CDH4: variants seen among roughly 807,000 people sequenced by gnomAD.
The protein encoded by CDH4 is cadherin-4.
A neutral mutation model predicts 86.0 loss-of-function variants in CDH4; 33 were observed. The ratio of observed to expected loss-of-function variants is 0.38; its 90% CI spans 0.29 to 0.51. CDH4 has a LOEUF of 0.51. Ranked by LOEUF, CDH4 falls within the 20% of genes least tolerant of loss-of-function variation. The probability of loss-of-function intolerance (pLI) is 0.86; values close to 1 mark genes in which losing one functional copy is unlikely to be tolerated. For synonymous variants in CDH4, 555 were observed against 549.4 expected (o/e 1.01, Z -0.14); for missense variants, 1,114 against 1,307.4 (o/e 0.85, Z 2.28).
chr20:61,500,272 A>G (rs189845489), intron 2 of CDH4, among the ~76,000 whole-genome samples: 2 of 152,368 alleles, frequency 1.3e-5, no homozygotes, highest in East Asian at 1.9e-4. Context: ...CACGGTGCTG[A>G]TAAAGGATGG....
chr20:61,417,098 C>T lies in CDH4; in HGVS notation c.169+162161C>T, dbSNP rs1235445345. ...ACTGCTCAATAGAATAATATGTGGC[C>T]CGCAGAGCTGACTGTGGGTGCTTGG... On this transcript the variant is annotated intron_variant, in intron 2 of 15. Transcript: ENST00000614565. The surrounding 1 kb of genome is among the most constrained non-coding windows in gnomAD (Gnocchi z 4.0). Among the ~76,000 whole-genome samples, 2 of 152,074 alleles carry T rather than the reference C, an allele frequency of 1.3e-5. No homozygotes were observed. Among genetic ancestry groups the T allele is most frequent in the African/African-American group, 2.4e-5 (1 of 41,390 alleles).
chr20:61,860,360 C>A (rs953126365), intron 6 of CDH4, among the ~76,000 whole-genome samples: 15 of 152,240 alleles, frequency 9.9e-5, no homozygotes, highest in Non-Finnish European at 1.6e-4. Context: ...TCCCTGAGGG[C>A]TGAGCTACAC....
chr20:61,252,558 C>T lies in CDH4; in HGVS notation c.45C>T (p.Ser15=), dbSNP rs1346818598. ...AGVLLLLLSL[S]GALRAHNEDL... ...TGCTCCTTCTGCTGCTCTCGCTCTC[C>T]GGCGCGCTCCGGGTAAGTTGCCGCC... Residue 15 remains serine (S), a synonymous_variant, in exon 1 of 16, where the codon TCC becomes TCT. Transcript: ENST00000614565. This position sits in a 1 kb window ranked among gnomAD's most constrained non-coding sequence, Gnocchi z 4.4. 1.7e-6 allele frequency: 2 copies of T among 1,205,036 alleles called. No homozygotes were observed. Among genetic ancestry groups the T allele is most frequent in the South Asian group, 4.1e-5 (1 of 24,148 alleles). 74.6% of individuals were successfully genotyped at this position (1,205,036 alleles called of 1,614,324 possible). A position where few individuals can be genotyped will look rare whatever the true frequency, so the allele number is the denominator to read the frequency against.
intron 5 of CDH4, 71 bp from the exon 6 acceptor site, chr20:61,852,683 G>A: frequency 2.6e-6 from 4 of 1,525,912 alleles, no homozygotes; most frequent in African/African-American, 1.4e-5. Flanking sequence ...CAGCACCGCG[G>A]GTCCCAGGCC....
chr20:61,565,313 G>A (rs897034956), intron 2 of CDH4, among the ~76,000 whole-genome samples: 548 of 39,714 alleles, frequency 0.014, 98 homozygotes, highest in Non-Finnish European at 0.016. Context: ...GCTCTTGGTG[G>A]TGGCGGTGCT....
intron 2 of CDH4, among the ~76,000 whole-genome samples, chr20:61,425,692 C>A (rs763477796): frequency 1.3e-5 from 2 of 152,006 alleles, no homozygotes; most frequent in African/African-American, 4.8e-5. Flanking sequence ...CTGCCCAGGG[C>A]AGGATGGCCA....
chr20:61,746,960 C>T (rs1264373439), intron 3 of CDH4, among the ~76,000 whole-genome samples: 1 of 152,188 alleles, frequency 6.6e-6, no homozygotes, highest in East Asian at 1.9e-4. Flanking sequence ...CAAGGTGACA[C>T]CGGATTGCTG....
At chr20:61,481,782 G>T (rs190628475) in intron 2 of CDH4, among the ~76,000 whole-genome samples, 9,141 of 152,188 alleles carry the variant, frequency 0.06, 962 homozygotes, top group African/African-American at 0.21. Flanking sequence ...TGTTTGTGCC[G>T]TTATGTATAT....
chr20:61,720,275 G>A (rs148356489), intron 2 of CDH4, among the ~76,000 whole-genome samples: 133 of 152,252 alleles, frequency 8.7e-4, no homozygotes, highest in African/African-American at 3.1e-3. Context: ...TCTATGGGCC[G>A]CACCTCCTGG....
intron 1 of CDH4, among the ~76,000 whole-genome samples, chr20:61,253,859 G>A (rs2123109187): frequency 6.6e-6 from 1 of 152,276 alleles, no homozygotes; most frequent in South Asian, 2.1e-4. Context: ...GCGGGCGGGA[G>A]GCGCCACTGC....
At chr20:61,338,189 C>A (rs905603223) in intron 2 of CDH4, among the ~76,000 whole-genome samples, 1 of 152,118 alleles carries the variant, frequency 6.6e-6, no homozygotes, top group African/African-American at 2.4e-5. Context: ...TGCATAGCTT[C>A]ATTGTTCAAC....
At chr20:61,671,531 A>G (rs553617909) in intron 2 of CDH4, among the ~76,000 whole-genome samples, 4 of 152,084 alleles carry the variant, frequency 2.6e-5, no homozygotes, top group African/African-American at 9.6e-5. Context: ...ATAGATGGAC[A>G]AATGGATGGA....
rs193093631 is a variant in CDH4, at chr20:61,333,068, T to G, written c.169+78131T>G. ...TTGTAAAGGGTGGCGCTTTTTGGCT[T>G]CTAAGAAACTTACCTGGGGTTGGTG... On this transcript the variant is annotated intron_variant, in intron 2 of 15. Coordinates refer to ENST00000614565, the MANE Select transcript of CDH4 (RefSeq NM_001794.5). Among the ~76,000 whole-genome samples the G allele has an allele frequency of 6.2e-4, 95 of 152,356 alleles. 2 individuals carry two copies. The East Asian group carries it at 0.011, about 18-fold the overall frequency.
At chr20:61,874,571 C>T (rs888716020) in intron 7 of CDH4, among the ~76,000 whole-genome samples, 3 of 152,188 alleles carry the variant, frequency 2.0e-5, no homozygotes, top group Admixed American at 6.5e-5. Context: ...GGGGGCCTGC[C>T]TCTGCTCTGA....
intron 2 of CDH4, among the ~76,000 whole-genome samples, chr20:61,430,829 G>T (rs1338674065): frequency 2.0e-5 from 3 of 152,170 alleles, no homozygotes; most frequent in African/African-American, 7.2e-5. Context: ...CTCTCATTTG[G>T]CTAAAAGTGT....
At position 61,671,054 on chromosome 20, in the gene CDH4, G is replaced by A. The variant is rs149965601; in HGVS notation, c.170-72509G>A. ...CACAGTTAACAGTCGAGTGTGTATGGCATAAGGGTGAATGGATAGGTAGAT... is the reference window on the plus strand; with the variant it reads ...CACAGTTAACAGTCGAGTGTGTATGACATAAGGGTGAATGGATAGGTAGAT... On this transcript the variant is annotated intron_variant, in intron 2 of 15. Coordinates refer to ENST00000614565, the MANE Select transcript of CDH4 (RefSeq NM_001794.5). Among the ~76,000 whole-genome samples, 400 of 152,296 alleles carry A rather than the reference G, an allele frequency of 2.6e-3. 1 individual carries two copies. Among genetic ancestry groups the A allele is most frequent in the South Asian group, 0.016 (77 of 4,812 alleles).
At chr20:61,366,924 A>G (rs2084813230) in intron 2 of CDH4, among the ~76,000 whole-genome samples, 1 of 152,208 alleles carries the variant, frequency 6.6e-6, no homozygotes, top group Non-Finnish European at 1.5e-5. Flanking sequence ...AAAACAGCAT[A>G]TTAACGGGGT....
At chr20:61,619,502 T>A (rs1168292942) in intron 2 of CDH4, among the ~76,000 whole-genome samples, 2 of 152,062 alleles carry the variant, frequency 1.3e-5, no homozygotes, top group African/African-American at 4.8e-5. Flanking sequence ...TGGCACAGAG[T>A]GAGAGCTTCA....
At chr20:61,779,117 T>C (rs1362419668) in intron 4 of CDH4, among the ~76,000 whole-genome samples, 2 of 152,198 alleles carry the variant, frequency 1.3e-5, no homozygotes, top group Non-Finnish European at 2.9e-5. Flanking sequence ...CCTGGCGAGA[T>C]TCAGAATGAG....
Sources: gnomAD v4.1 joint callset for allele counts (sites outside exome capture counted in the v4.1 genomes callset) on GRCh38, gnomAD v4.1.1 for gene constraint, Gnocchi (gnomAD v3.1) non-coding constraint, MANE v1.5 for transcripts, NCBI Gene and HGNC (gene_info 2026-07-23, HGNC 2026-07-21) for gene names.